Variants in ALOXE3 observed in about 807,000 individuals in gnomAD.
ALOXE3 encodes arachidonate epidermal lipoxygenase 3, also known as hydroperoxide isomerase ALOXE3.
A neutral mutation model predicts 87.5 loss-of-function variants in ALOXE3; 78 were observed. That is an observed-to-expected ratio of 0.89 (90% CI 0.74 to 1.08). The LOEUF (loss-of-function observed/expected upper bound fraction) is 1.08, where lower values mean the gene tolerates loss of function less well. Among genes scored for constraint, ALOXE3 ranks in the 50% least tolerant of loss-of-function variants. The pLI is 0.00. For missense variants in ALOXE3, 946 were observed against 912.4 expected, an observed-to-expected ratio of 1.04 and a Z score of -0.47; for synonymous variants, 363 against 370.8, an observed-to-expected ratio of 0.98 and a Z score of 0.24.
Position 8,104,225 on chromosome 17 carries a change from G to T in ALOXE3, c.1685-10C>A, listed in dbSNP as rs765898591. The T allele has an allele frequency of 4.4e-6, 7 of 1,608,090 alleles. No homozygotes were observed. The highest frequency in any genetic ancestry group is 8.5e-7 in the Non-Finnish European group (1 of 1,174,974). ...AGCCGGCTTGGGAAACCTGGGTGTG[G>T]GGAGGAAGGGTAGAGGGTGTGGATG... On this transcript the variant is annotated splice_polypyrimidine_tract_variant and intron_variant, in intron 13 of 15. Coordinates refer to ENST00000448843, the MANE Select transcript of ALOXE3 (RefSeq NM_021628.3).
intron 8 of ALOXE3, among the ~76,000 whole-genome samples, chr17:8,110,847 C>A (rs183948105): frequency 6.6e-6 from 1 of 152,324 alleles, no homozygotes; most frequent in African/African-American, 2.4e-5. Context: ...CACTATGTAT[C>A]CAGCAACAGC....
rs138412423 is a variant in ALOXE3, at chr17:8,116,816, C to T, written c.312G>A (p.Trp104Ter). 1 of 1,614,248 alleles carries T rather than the reference C, an allele frequency of 6.2e-7. No homozygotes were observed. The highest frequency in any genetic ancestry group is 8.5e-7 in the Non-Finnish European group (1 of 1,180,038). The change falls in exon 3 of 16, where the codon TGG becomes TGA. Residue 104 changes from tryptophan (W) to a stop codon, truncating the protein, a stop_gained. Transcript: ENST00000448843. LOFTEE classifies it high-confidence loss of function. ...GSVSHFPCYQ[W>*]IEGYCTVELR... ...GCTCCACGGTGCAGTAGCCTTCAAT[C>T]CACTGATAGCAGGGGAAGTGGGATA...
rs531611922 is a variant in ALOXE3 at position 8,107,815 on chromosome 17, A to G, written c.1684+653T>C. On this transcript the variant is annotated intron_variant, in intron 13 of 15. Coordinates refer to ENST00000448843, the MANE Select transcript of ALOXE3 (RefSeq NM_021628.3). ...CTCCGTCTCAAAAAAAAAAACAAGA[A>G]AGAAAGAAAGAAAGAAAGAAAGAAA... Among the ~76,000 whole-genome samples, 6 of 2,492 alleles carry G rather than the reference A, an allele frequency of 2.4e-3. No individual in the cohort carries two copies. The Admixed American group carries it at 0.042, about 17-fold the overall frequency. The allele number at this position is 2,492 out of a possible 152,430, so 1.6% of individuals were successfully genotyped here.
At chr17:8,099,089 C>T (rs528388188) in intron 15 of ALOXE3, among the ~76,000 whole-genome samples, 13 of 146,694 alleles carry the variant, frequency 8.9e-5, no homozygotes, top group Admixed American at 1.4e-4. Flanking sequence ...AAATCCTGGG[C>T]CCAAGCGGTC....
rs146820310 is a variant in ALOXE3 at position 8,101,763 on chromosome 17, C to A, written c.1956+1560G>T. ...AGTGATCCTCCCACTTTAGCTCCCC[C>A]CAAGCAGCTGGGACCACAGGCACAC... On this transcript the variant is annotated intron_variant, in intron 15 of 15. Coordinates refer to ENST00000448843, the MANE Select transcript of ALOXE3 (RefSeq NM_021628.3). Among the ~76,000 whole-genome samples, 735 of 152,124 alleles carry A rather than the reference C, an allele frequency of 4.8e-3. 9 individuals are homozygous for A. The highest frequency in any genetic ancestry group is 0.017 in the African/African-American group (703 of 41,488).
intron 15 of ALOXE3, among the ~76,000 whole-genome samples, chr17:8,101,021 C>CTTTTTTT (rs1189268815): frequency 9.0e-6 from 1 of 111,396 alleles, no homozygotes; most frequent in African/African-American, 3.2e-5. Flanking sequence ...TGCCAAGCTG[C>CTTTTTTT]TTTTTTTTTG....
chr17:8,111,155 G>A (rs1404990215), intron 8 of ALOXE3, among the ~76,000 whole-genome samples: 1 of 152,166 alleles, frequency 6.6e-6, no homozygotes, highest in East Asian at 1.9e-4. Context: ...CCCATCTCAG[G>A]CCTCAAAGCC....
intron 3 of ALOXE3, among the ~76,000 whole-genome samples, chr17:8,116,524 T>C (rs1243541242): frequency 6.6e-6 from 1 of 152,112 alleles, no homozygotes; most frequent in South Asian, 2.1e-4. Flanking sequence ...GTGCTTCCTA[T>C]GTGTATGAGA....
In ALOXE3 at chr17:8,118,290, G is replaced by T; in HGVS notation, c.-300C>A. 1 of 1,551,626 alleles carries T rather than the reference G, an allele frequency of 6.4e-7. No homozygotes were observed. Among genetic ancestry groups the T allele is most frequent in the South Asian group, 1.2e-5 (1 of 84,062 alleles). ...GCTGGCTCACCCAGATGGATATCAGGAGCCTGGGTTCCACTGCGGAGGGAG... is the reference window on the plus strand; with the variant it reads ...GCTGGCTCACCCAGATGGATATCAGTAGCCTGGGTTCCACTGCGGAGGGAG... On this transcript the variant is annotated 5_prime_UTR_variant, in exon 2 of 16. Coordinates refer to ENST00000448843, the MANE Select transcript of ALOXE3 (RefSeq NM_021628.3).
rs1598204943 is a variant in ALOXE3, at chr17:8,107,950, AAAGAAAGAAAGGAAG to A, written c.1684+503_1684+517del. On this transcript the variant is annotated intron_variant, in intron 13 of 15. Coordinates refer to ENST00000448843, the MANE Select transcript of ALOXE3 (RefSeq NM_021628.3). ...GAAAGAAAGAAAGAAAGAAAGAAAGAAAGAAAGAAAGGAAGGAGAGAGAGAGAGAGAGAAAGAAAG... is the reference window on the plus strand; with the variant it reads ...GAAAGAAAGAAAGAAAGAAAGAAAGAGAGAGAGAGAGAGAGAGAAAGAAAG... Among the ~76,000 whole-genome samples the A allele has an allele frequency of 2.6e-3, 11 of 4,302 alleles. 3 individuals are homozygous for A. The highest frequency in any genetic ancestry group is 6.8e-3 in the Admixed American group (3 of 444). 2.8% of individuals were successfully genotyped at this position (4,302 alleles called of 152,430 possible).
chr17:8,107,851 A>G (rs867378192), intron 13 of ALOXE3, among the ~76,000 whole-genome samples: 11 of 2,562 alleles, frequency 4.3e-3, no homozygotes, highest in African/African-American at 0.012. Flanking sequence ...GAAAGAAAGA[A>G]AGAAAGAAAG....
At chr17:8,106,097 G>A (rs932812139) in intron 13 of ALOXE3, among the ~76,000 whole-genome samples, 2 of 151,802 alleles carry the variant, frequency 1.3e-5, no homozygotes, top group Admixed American at 6.6e-5. Flanking sequence ...GGCAAGCAGC[G>A]AGAGGCTGGG....
rs1325428276 is a variant in ALOXE3, at chr17:8,108,389, T to C, written c.1684+79A>G. 13 of 1,576,472 alleles carry C rather than the reference T, an allele frequency of 8.2e-6. 1 individual carries two copies. In the Admixed American group the frequency reaches 2.2e-4, roughly 27 times the overall value. On this transcript the variant is annotated intron_variant, in intron 13 of 15. Transcript: ENST00000448843. ...TCTACTTCAAAGGCTGGTCAATAAA[T>C]AACTGATGGGAGTAGGGTGTGGCCA...
chr17:8,095,963 G>C lies in ALOXE3; in HGVS notation c.*664C>G, dbSNP rs1978517792. 1 of 152,308 alleles carries C rather than the reference G, an allele frequency of 6.6e-6. No individual in the cohort carries two copies. The highest frequency in any genetic ancestry group is 6.5e-5 in the Admixed American group (1 of 15,268). 9.4% of individuals were successfully genotyped at this position (152,308 alleles called of 1,614,324 possible). A position where few individuals can be genotyped will look rare whatever the true frequency, so the allele number is the denominator to read the frequency against. On this transcript the variant is annotated 3_prime_UTR_variant, in exon 16 of 16. Coordinates refer to ENST00000448843, the MANE Select transcript of ALOXE3 (RefSeq NM_021628.3). ...GCTCAAGGACAGAAAGAAAAAAATG[G>C]GATGAAAGGGAGTGGGATGAAAGGG... is the stretch of plus-strand genomic sequence containing the variant.
chr17:8,105,298 C>T (rs1056822991), intron 13 of ALOXE3, among the ~76,000 whole-genome samples: 2 of 152,160 alleles, frequency 1.3e-5, no homozygotes, highest in Non-Finnish European at 2.9e-5. Flanking sequence ...ACTTACTATA[C>T]CTCTGCCTGC....
intron 6 of ALOXE3, among the ~76,000 whole-genome samples, chr17:8,114,252 G>A (rs1980374445): frequency 1.3e-5 from 2 of 150,916 alleles, no homozygotes; most frequent in Non-Finnish European, 3.0e-5. Flanking sequence ...GGAGTCTGGG[G>A]GCAGGGAGAG....
At chr17:8,108,393 T>C (rs1403837555) in intron 13 of ALOXE3, 75 bp downstream of exon 13, 1 of 1,583,504 alleles carries the variant, frequency 6.3e-7, no homozygotes, top group Non-Finnish European at 8.6e-7. Context: ...AATAAATAAC[T>C]GATGGGAGTA....
chr17:8,100,390 G>A (rs1978849235), intron 15 of ALOXE3, among the ~76,000 whole-genome samples: 1 of 152,034 alleles, frequency 6.6e-6, no homozygotes, highest in Non-Finnish European at 1.5e-5. Flanking sequence ...AGCCTTCTGG[G>A]AACTTCCAGC....
Position 8,096,236 on chromosome 17 carries a change from G to T in ALOXE3, c.*391C>A, listed in dbSNP as rs80115129. On this transcript the variant is annotated 3_prime_UTR_variant, in exon 16 of 16. Transcript: ENST00000448843. ...GCTCTAGGCTTGGAAGAAAGAGAACGTAGAAAGGCATGGTAGGAGAAGGAG... is the reference window on the plus strand; with the variant it reads ...GCTCTAGGCTTGGAAGAAAGAGAACTTAGAAAGGCATGGTAGGAGAAGGAG... 1,026 of 209,360 alleles carry T rather than the reference G, an allele frequency of 4.9e-3. 14 individuals are homozygous for T. The highest frequency in any genetic ancestry group is 0.023 in the African/African-American group (987 of 43,328). 13.0% of individuals were successfully genotyped at this position (209,360 alleles called of 1,614,324 possible).
Sources: allele counts gnomAD v4.1 joint callset (sites outside exome capture counted in the v4.1 genomes callset), GRCh38; gene constraint gnomAD v4.1.1; transcripts MANE v1.5; gene names NCBI Gene and HGNC (gene_info 2026-07-23, HGNC 2026-07-21).